YIPF1: variants seen among roughly 807,000 people sequenced by gnomAD.
YIPF1 encodes the protein Yip1 domain family member 1, also known as protein YIPF1.
Under a neutral mutation model 37.0 loss-of-function variants are expected in YIPF1, and 22 were observed. The observed-to-expected ratio is 0.59, with a 90% CI of 0.42 to 0.85. The LOEUF is 0.85. Ranked by LOEUF, YIPF1 falls within the 40% of genes least tolerant of loss-of-function variation. The pLI is 0.00. For synonymous variants in YIPF1, 128 were observed against 131.9 expected, an observed-to-expected ratio of 0.97 and a Z score of 0.21; for missense variants, 355 against 373.1, an observed-to-expected ratio of 0.95 and a Z score of 0.40.
intron 4 of YIPF1, among the ~76,000 whole-genome samples, 174 bp from the exon 5 acceptor site, chr1:53,878,896 G>C (rs1280520816): frequency 6.6e-6 from 1 of 152,116 alleles, no homozygotes; most frequent in Admixed American, 6.6e-5. Context: ...AGCCTGATTA[G>C]AAAAACAAGC....
intron 3 of YIPF1, among the ~76,000 whole-genome samples, chr1:53,887,761 T>C (rs904047140): frequency 2.6e-5 from 4 of 152,236 alleles, no homozygotes; most frequent in Non-Finnish European, 5.9e-5. Flanking sequence ...ATCCTGATTT[T>C]ATCCCTTACT....
chr1:53,868,877 T>C (rs1650100705), intron 7 of YIPF1, among the ~76,000 whole-genome samples: 1 of 152,254 alleles, frequency 6.6e-6, no homozygotes, highest in African/African-American at 2.4e-5. Flanking sequence ...TCTATGTCAA[T>C]ATACCTACAC....
At chr1:53,878,822 G>T (rs1650404911) in intron 4 of YIPF1, 100 bp from the exon 5 acceptor site, 4 of 1,091,282 alleles carry the variant, frequency 3.7e-6, no homozygotes, top group Admixed American at 6.5e-5. Flanking sequence ...AAAGCAAAAC[G>T]TTTGAAACAA....
At chr1:53,872,521 C>T (rs1049928563) in intron 6 of YIPF1, among the ~76,000 whole-genome samples, 1 of 152,214 alleles carries the variant, frequency 6.6e-6, no homozygotes, top group Non-Finnish European at 1.5e-5. Context: ...TTCGTGAACA[C>T]TATCCTTGTC....
chr1:53,859,958 G>T, intron 10 of YIPF1, 98 bp downstream of exon 10: 2 of 1,189,720 alleles, frequency 1.7e-6, no homozygotes, highest in East Asian at 2.5e-5. Flanking sequence ...AGGATGAAAG[G>T]GTCTGGCCCT....
chr1:53,875,387 T>C (rs548451974), intron 6 of YIPF1, among the ~76,000 whole-genome samples: 1 of 152,234 alleles, frequency 6.6e-6, no homozygotes, highest in Admixed American at 6.5e-5. Flanking sequence ...TGGTGGCACA[T>C]GCCTGTAGTC....
Position 53,871,365 on chromosome 1 carries a change from C to T in YIPF1, c.481+7G>A. 6.2e-7 allele frequency: 1 copy of T among 1,612,050 alleles called. No individual in the cohort carries two copies. Among genetic ancestry groups the T allele is most frequent in the Middle Eastern group, 1.7e-4 (1 of 6,058 alleles). On this transcript the variant is annotated splice_region_variant and intron_variant, in intron 7 of 10. Coordinates refer to ENST00000072644, the MANE Select transcript of YIPF1 (RefSeq NM_018982.5). ...AGCATTCCAAATGAGTCAAGCTATT[C>T]ACCAACCTTTTCGGAATTCGGGCAC...
intron 10 of YIPF1, among the ~76,000 whole-genome samples, chr1:53,852,965 G>T (rs1378210887): frequency 6.6e-6 from 1 of 152,162 alleles, no homozygotes; most frequent in African/African-American, 2.4e-5. Context: ...TGAACACTGG[G>T]TATGGTAACA....
chr1:53,865,378 T>C (rs192820531), intron 9 of YIPF1, among the ~76,000 whole-genome samples: 7 of 152,210 alleles, frequency 4.6e-5, no homozygotes, highest in Admixed American at 3.9e-4. Context: ...TCTTTAAAAA[T>C]ATGTAAGTTA....
At chr1:53,854,165 T>C (rs180915920) in intron 10 of YIPF1, among the ~76,000 whole-genome samples, 25 of 152,062 alleles carry the variant, frequency 1.6e-4, no homozygotes, top group Non-Finnish European at 2.8e-4. Context: ...GGTATGAGAA[T>C]CACTTGAACC....
In YIPF1 at chr1:53,883,172, C is replaced by G; in HGVS notation, c.136G>C (p.Gly46Arg). 1 of 1,603,448 alleles carries G rather than the reference C, an allele frequency of 6.2e-7. No individual in the cohort carries two copies. The change falls in exon 4 of 11, where the codon GGC becomes CGC. Residue 46 changes from glycine (G) to arginine (R), a missense_variant. Physicochemically the swap from Gly to Arg is moderately radical, Grantham distance 125 (BLOSUM62 -2). Coordinates refer to ENST00000072644, the MANE Select transcript of YIPF1 (RefSeq NM_018982.5). ...TCATCATCTTCTTCTCTTCCTGAGC[C>G]TCTTGGGGATCCTGGCTGATGTTTT... The part of the protein sequence containing the change: ...TPKHQPGSPR[G>R]SGREEDDELL...
intron 6 of YIPF1, among the ~76,000 whole-genome samples, chr1:53,876,766 TG>T (rs1244772406): frequency 1.8e-4 from 27 of 152,318 alleles, no homozygotes; most frequent in African/African-American, 5.3e-4. Flanking sequence ...AAGTTGGATC[TG>T]GCATAAGGAT....
rs1333382318 is a variant in YIPF1, at chr1:53,889,735, G to A, written c.-292C>T. On this transcript the variant is annotated 5_prime_UTR_variant, in exon 1 of 11. Transcript: ENST00000072644. The stretch of plus-strand genomic sequence containing the variant: ...CACCTCGCGGGGTTAGGCGTCCCCC[G>A]GGTCCCGAGAAGGCTCGGGCCTCAG... 6.6e-6 allele frequency: 1 copy of A among 152,274 alleles called. No homozygotes were observed. The highest frequency in any genetic ancestry group is 2.4e-5 in the African/African-American group (1 of 41,452). 9.4% of individuals were successfully genotyped at this position (152,274 alleles called of 1,614,324 possible). A position where few individuals can be genotyped will look rare whatever the true frequency, so the allele number is the denominator to read the frequency against.
At chr1:53,887,400 A>T (rs1286708885) in intron 3 of YIPF1, among the ~76,000 whole-genome samples, 1 of 151,816 alleles carries the variant, frequency 6.6e-6, no homozygotes, top group Non-Finnish European at 1.5e-5. Context: ...TTCTAGTGAG[A>T]TGGGAGCTAC....
intron 6 of YIPF1, among the ~76,000 whole-genome samples, chr1:53,874,184 A>C (rs1255868550): frequency 1.3e-5 from 2 of 152,128 alleles, no homozygotes; most frequent in Non-Finnish European, 2.9e-5. Flanking sequence ...AAAAGGCCCC[A>C]GGATCTGGGC....
intron 3 of YIPF1, 80 bp downstream of exon 3, chr1:53,888,827 G>A (rs1208341326): frequency 6.1e-6 from 8 of 1,311,880 alleles, no homozygotes; most frequent in African/African-American, 1.4e-5. Context: ...AATGTGTGAG[G>A]CAGTATAGGA....
intron 6 of YIPF1, among the ~76,000 whole-genome samples, chr1:53,876,422 A>G (rs1466390226): frequency 6.6e-6 from 1 of 152,154 alleles, no homozygotes; most frequent in African/African-American, 2.4e-5. Context: ...TCTTTTTCTT[A>G]ACTGCCTTCC....
chr1:53,871,633 A>AT (rs1011718852), intron 6 of YIPF1, 145 bp from the exon 7 acceptor site: 344 of 645,538 alleles, frequency 5.3e-4, no homozygotes, highest in South Asian at 7.5e-4. Context: ...CTGAAGGGAA[A>AT]TTTTTTTTTC....
At chr1:53,884,189 C>T (rs1650577862) in intron 3 of YIPF1, among the ~76,000 whole-genome samples, 1 of 138,200 alleles carries the variant, frequency 7.2e-6, no homozygotes. Context: ...GAGCCGTGAT[C>T]ATACCACTGT....
Sources: allele counts gnomAD v4.1 joint callset (sites outside exome capture counted in the v4.1 genomes callset), GRCh38; gene constraint gnomAD v4.1.1; transcripts MANE v1.5; gene names NCBI Gene and HGNC (gene_info 2026-07-23, HGNC 2026-07-21).